Variants in CCDC171 observed in about 807,000 individuals in gnomAD.
CCDC171 encodes the protein coiled-coil domain containing 171, also known as coiled-coil domain-containing protein 171.
A neutral mutation model predicts 168.2 loss-of-function variants in CCDC171; 177 were observed. That is an observed-to-expected ratio of 1.05 (90% CI 0.93 to 1.19). The LOEUF is 1.19. Among genes scored for constraint, CCDC171 ranks in the 50% most tolerant of loss-of-function variants. The pLI, the probability that CCDC171 is intolerant of heterozygous loss-of-function variation, is 0.00. For synonymous variants in CCDC171, 687 were observed against 540.8 expected (o/e 1.27, Z -3.75); for missense variants, 1,991 against 1,539.0 (o/e 1.29, Z -4.91).
At chr9:15,909,140 C>G (rs567774369) in intron 24 of CCDC171, among the ~76,000 whole-genome samples, 1 of 152,222 alleles carries the variant, frequency 6.6e-6, no homozygotes, top group South Asian at 2.1e-4. Context: ...TATGTAACAA[C>G]TTTTTGTTGA....
rs773843266 is a variant in CCDC171 at position 15,636,851 on chromosome 9, TATC to T, written c.822+13443_822+13445del. On this transcript the variant is annotated intron_variant, in intron 7 of 25. Transcript: ENST00000380701. Reference sequence around the variant, plus strand: ...GTCACTTAAGGATGCTAGAAAACTCTATCATCACTAAAAACATTTTATTAATTG... The same window carrying T: ...GTCACTTAAGGATGCTAGAAAACTCTATCACTAAAAACATTTTATTAATTG... Among the ~76,000 whole-genome samples the T allele has an allele frequency of 5.9e-5, 9 of 151,760 alleles. No homozygotes were observed. The East Asian group carries it at 1.2e-3, about 20-fold the overall frequency.
At chr9:15,634,980 CT>C (rs1326602873) in intron 7 of CCDC171, among the ~76,000 whole-genome samples, 1 of 152,080 alleles carries the variant, frequency 6.6e-6, no homozygotes, top group Non-Finnish European at 1.5e-5. Context: ...GTGCTTCATT[CT>C]TTTTTATGCC....
intron 10 of CCDC171, among the ~76,000 whole-genome samples, chr9:15,682,342 G>A (rs2050095498): frequency 6.6e-6 from 1 of 151,944 alleles, no homozygotes; most frequent in African/African-American, 2.4e-5. Flanking sequence ...TAGCTCCCCT[G>A]TTTTGAGAGA....
At chr9:15,749,937 CA>C (rs1171431284) in intron 18 of CCDC171, among the ~76,000 whole-genome samples, 1 of 151,440 alleles carries the variant, frequency 6.6e-6, no homozygotes, top group Non-Finnish European at 1.5e-5. Context: ...CACACAGATT[CA>C]AAAGCTAGCA....
chr9:16,048,276 TG>T (rs1833692159), intron 1 of CCDC171, among the ~76,000 whole-genome samples: 1 of 151,980 alleles, frequency 6.6e-6, no homozygotes, highest in African/African-American at 2.4e-5. Flanking sequence ...AGCTCTTAGT[TG>T]TGTACAGATG....
At chr9:15,611,133 C>T (rs1226617554) in intron 6 of CCDC171, among the ~76,000 whole-genome samples, 1 of 152,136 alleles carries the variant, frequency 6.6e-6, no homozygotes, top group Non-Finnish European at 1.5e-5. Context: ...TCCTCCTGCT[C>T]CTGATCTGGC....
intron 24 of CCDC171, among the ~76,000 whole-genome samples, chr9:15,896,534 A>G (rs573587239): frequency 6.6e-6 from 1 of 152,206 alleles, no homozygotes; most frequent in African/African-American, 2.4e-5. Flanking sequence ...AATAACACCA[A>G]CAAAACAGCT....
At chr9:15,721,126 A>C (rs886643016) in intron 11 of CCDC171, among the ~76,000 whole-genome samples, 1 of 152,192 alleles carries the variant, frequency 6.6e-6, no homozygotes, top group Non-Finnish European at 1.5e-5. Context: ...TATTTTTACC[A>C]TGAGTATCAG....
intron 21 of CCDC171, among the ~76,000 whole-genome samples, chr9:15,785,860 G>A (rs1554813812): frequency 4.0e-5 from 6 of 151,628 alleles, no homozygotes; most frequent in Non-Finnish European, 8.8e-5. Flanking sequence ...AACTACCTCT[G>A]TGAGGTAGGT....
rs540949216 is a variant in CCDC171 at position 15,746,079 on chromosome 9, T to A, written c.2671+448T>A. ...TCTAGTTTATTTTAGATGGAATTAA[T>A]TTGGATAGTCTGCTCCTTTCCACCT... On this transcript the variant is annotated intron_variant, in intron 18 of 25. Coordinates refer to ENST00000380701, the MANE Select transcript of CCDC171 (RefSeq NM_173550.4). Among the ~76,000 whole-genome samples the A allele has an allele frequency of 5.3e-5, 8 of 152,354 alleles. No homozygotes were observed. In the East Asian group the frequency reaches 1.5e-3, roughly 29 times the overall value.
chr9:16,101,033 G>A, the CCDC171 span, among the ~76,000 whole-genome samples: 1 of 152,240 alleles, frequency 6.6e-6, no homozygotes, highest in Non-Finnish European at 1.5e-5. Context: ...GTGTTGACAG[G>A]CTCAGGCTGA....
intron 4 of CCDC171, among the ~76,000 whole-genome samples, chr9:15,582,767 C>T (rs1178078559): frequency 6.6e-6 from 1 of 151,620 alleles, no homozygotes; most frequent in African/African-American, 2.4e-5. Flanking sequence ...GAACATCACA[C>T]ACTGGGGCCT....
At chr9:15,882,898 G>A (rs888340741) in intron 24 of CCDC171, among the ~76,000 whole-genome samples, 2 of 150,756 alleles carry the variant, frequency 1.3e-5, no homozygotes, top group African/African-American at 4.9e-5. Flanking sequence ...GGATGCATCA[G>A]ATTTTTAGGA....
intron 18 of CCDC171, among the ~76,000 whole-genome samples, chr9:15,769,024 CT>C (rs546344703): frequency 9.2e-5 from 14 of 152,298 alleles, no homozygotes; most frequent in Admixed American, 2.0e-4. Context: ...GCCAATGGAA[CT>C]GCTTATTATT....
Position 15,728,026 on chromosome 9 carries a change from CTAATGAGAAGG to C in CCDC171, c.1854_1860+4del. 6.2e-7 allele frequency: 1 copy of C among 1,610,650 alleles called. No homozygotes were observed. Among genetic ancestry groups the C allele is most frequent in the Non-Finnish European group, 8.5e-7 (1 of 1,178,278 alleles). On this transcript the variant is annotated splice_donor_variant and coding_sequence_variant, in exon 15 of 26. Transcript: ENST00000380701. LOFTEE classifies it high-confidence loss of function. ...GCCCTGATTGCAGACCTCAACAGGG[CTAATGAGAAGG>C]TAACTGTCCTCAGGCACCAGATACC...
intron 25 of CCDC171, among the ~76,000 whole-genome samples, chr9:15,959,172 G>A (rs1388887316): frequency 6.6e-6 from 1 of 152,100 alleles, no homozygotes; most frequent in Non-Finnish European, 1.5e-5. Flanking sequence ...CTGCTGAATA[G>A]CTTTGTGTTT....
At chr9:15,977,383 C>T (rs1002001605), downstream of CCDC171, among the ~76,000 whole-genome samples, 2 of 152,150 alleles carry the variant, frequency 1.3e-5, no homozygotes, top group Non-Finnish European at 2.9e-5. Context: ...ATTGATACCA[C>T]ATATTCTTAA....
chr9:15,583,884 T>C (rs1466405888), intron 4 of CCDC171, among the ~76,000 whole-genome samples: 1 of 152,236 alleles, frequency 6.6e-6, no homozygotes, highest in Non-Finnish European at 1.5e-5. Flanking sequence ...TTTTTCTTTT[T>C]TGAGATGGAG....
At chr9:15,576,007 A>T (rs2040623691) in intron 3 of CCDC171, among the ~76,000 whole-genome samples, 1 of 151,618 alleles carries the variant, frequency 6.6e-6, no homozygotes, top group South Asian at 2.1e-4. Flanking sequence ...TGGGAGACTC[A>T]CTTGAACCTG....
Sources: gnomAD v4.1 joint callset for allele counts (sites outside exome capture counted in the v4.1 genomes callset) on GRCh38, gnomAD v4.1.1 for gene constraint, MANE v1.5 for transcripts, NCBI Gene and HGNC (gene_info 2026-07-23, HGNC 2026-07-21) for gene names.